Variants in SKP2 observed in about 807,000 individuals in gnomAD.
SKP2 encodes the protein S-phase kinase associated protein 2, also known as S-phase kinase-associated protein 2.
SKP2 carries 16 observed loss-of-function variants against 51.8 expected under a neutral mutation model. That is an observed-to-expected ratio of 0.31 (90% CI 0.21 to 0.47). The LOEUF (loss-of-function observed/expected upper bound fraction) is 0.47. Ranked by LOEUF, SKP2 falls within the 20% of genes least tolerant of loss-of-function variation. The pLI, the probability that SKP2 is intolerant of heterozygous loss-of-function variation, is 1.00. For missense variants in SKP2, 377 were observed against 505.3 expected (o/e 0.75, Z 2.43); for synonymous variants, 176 against 198.6 (o/e 0.89, Z 0.96).
intron 2 of SKP2, among the ~76,000 whole-genome samples, chr5:36,157,941 C>T (rs2111954040): frequency 6.6e-6 from 1 of 152,288 alleles, no homozygotes; most frequent in East Asian, 1.9e-4. Context: ...TCCAACAAGG[C>T]CCTCTTCCCA....
chr5:36,180,946 G>A (rs1023301368), intron 9 of SKP2, among the ~76,000 whole-genome samples: 8 of 152,160 alleles, frequency 5.3e-5, no homozygotes, highest in Admixed American at 1.3e-4. Context: ...AAACAGAGAT[G>A]AGAGAGATGA....
chr5:36,158,279 T>C (rs1186920336), intron 2 of SKP2, among the ~76,000 whole-genome samples: 2 of 152,230 alleles, frequency 1.3e-5, no homozygotes, highest in Non-Finnish European at 2.9e-5. Context: ...AGCAGTTTCA[T>C]CATGAATTCA....
At chr5:36,184,542 T>G (rs1343369884), downstream of SKP2, among the ~76,000 whole-genome samples, 1 of 152,208 alleles carries the variant, frequency 6.6e-6, no homozygotes, top group Non-Finnish European at 1.5e-5. Flanking sequence ...GGTAGTTTGC[T>G]GAGAATGATG....
In SKP2 at chr5:36,152,260, G is replaced by T; in HGVS notation, c.-3G>T. The T allele has an allele frequency of 6.2e-7, 1 of 1,613,900 alleles. No individual in the cohort carries two copies. Among genetic ancestry groups the T allele is most frequent in the South Asian group, 1.1e-5 (1 of 91,088 alleles). On this transcript the variant is annotated 5_prime_UTR_variant, in exon 1 of 10. Transcript: ENST00000274255. ...ATTTTAAACTCCCGGGCCTGCGGAC[G>T]CTATGCACAGGTAAACGGATTGCAA...
chr5:36,189,070 C>T (rs1421935892), downstream of SKP2, among the ~76,000 whole-genome samples: 4 of 152,184 alleles, frequency 2.6e-5, no homozygotes, highest in African/African-American at 4.8e-5. Context: ...TGGTTTTCAG[C>T]TCCATCAGGT....
At chr5:36,176,195 A>G (rs926910741) in intron 7 of SKP2, among the ~76,000 whole-genome samples, 18 of 151,806 alleles carry the variant, frequency 1.2e-4, no homozygotes, top group African/African-American at 4.1e-4. Flanking sequence ...GTATTTTGCA[A>G]TGTAGATTTG....
chr5:36,170,372 C>T lies in SKP2; in HGVS notation c.700C>T (p.Arg234Ter), dbSNP rs765306569. 6.2e-6 allele frequency: 10 copies of T among 1,611,918 alleles called. No homozygotes were observed. Among genetic ancestry groups the T allele is most frequent in the Non-Finnish European group, 8.5e-6 (10 of 1,178,772 alleles). The change falls in exon 6 of 10, where the codon CGA (arginine) becomes TGA (stop). Residue 234 changes from arginine (R) to a stop codon, truncating the protein, a stop_gained. Transcript: ENST00000274255. LOFTEE classifies it high-confidence loss of function. ...NTLAKNSNLV[R>*]LNLSGCSGFS... ...TCTCGCAAAAAACTCAAATTTAGTG[C>T]GACTTAACCTTTCTGGGTGTTCTGG...
intron 9 of SKP2, chr5:36,180,022 C>T (rs1336140086): frequency 1.3e-5 from 2 of 151,792 alleles, no homozygotes; most frequent in Non-Finnish European, 2.9e-5. Flanking sequence ...ATATATAACA[C>T]CCGGGTGTGT....
rs777024842 is a variant in SKP2, at chr5:36,163,771, C to T, written c.392+15C>T. On this transcript the variant is annotated intron_variant, in intron 3 of 9. Transcript: ENST00000274255. Reference sequence around the variant, plus strand: ...TATCGCCTAGCGTAAGTATTTTTCACCCCTTTGGCAAACGTAGGGGAGGAA... The same window carrying T: ...TATCGCCTAGCGTAAGTATTTTTCATCCCTTTGGCAAACGTAGGGGAGGAA... 1.2e-5 allele frequency: 19 copies of T among 1,527,492 alleles called. No homozygotes were observed. The highest frequency in any genetic ancestry group is 1.5e-5 in the Non-Finnish European group (17 of 1,101,038). 94.6% of individuals were successfully genotyped at this position (1,527,492 alleles called of 1,614,324 possible).
chr5:36,183,588 A>G lies in SKP2; in HGVS notation c.*1557A>G. On this transcript the variant is annotated 3_prime_UTR_variant, in exon 10 of 10. Transcript: ENST00000274255. ...AGCCAAATTCTACTTCTTAAAAATC[A>G]CAAAAACTAGTTTAAATTGATGACT... 1 of 1,096,814 alleles carries G rather than the reference A, an allele frequency of 9.1e-7. No homozygotes were observed. Among genetic ancestry groups the G allele is most frequent in the South Asian group, 4.1e-5 (1 of 24,222 alleles). 67.9% of individuals were successfully genotyped at this position (1,096,814 alleles called of 1,614,324 possible). A position where few individuals can be genotyped will look rare whatever the true frequency, so the allele number is the denominator to read the frequency against.
rs1745850428 is a variant in SKP2 at position 36,182,713 on chromosome 5, A to T, written c.*682A>T. 1 of 979,418 alleles carries T rather than the reference A, an allele frequency of 1.0e-6. No homozygotes were observed. Among genetic ancestry groups the T allele is most frequent in the Non-Finnish European group, 1.2e-6 (1 of 824,450 alleles). 60.7% of individuals were successfully genotyped at this position (979,418 alleles called of 1,614,324 possible). On this transcript the variant is annotated 3_prime_UTR_variant, in exon 10 of 10. Coordinates refer to ENST00000274255, the MANE Select transcript of SKP2 (RefSeq NM_005983.4). ...AGCAGACAGTTTTCTATGACAGGTTAATCTGAAGTATCCTGTAATGTTCAT... is the reference window on the plus strand; with the variant it reads ...AGCAGACAGTTTTCTATGACAGGTTTATCTGAAGTATCCTGTAATGTTCAT...
intron 2 of SKP2, among the ~76,000 whole-genome samples, chr5:36,161,068 A>AC (rs1401150089): frequency 6.6e-6 from 1 of 152,082 alleles, no homozygotes; most frequent in Non-Finnish European, 1.5e-5. Context: ...CATAAGCTGC[A>AC]CAGCACCCCG....
At chr5:36,175,075 G>C (rs1745589606) in intron 7 of SKP2, among the ~76,000 whole-genome samples, 1 of 152,138 alleles carries the variant, frequency 6.6e-6, no homozygotes, top group South Asian at 2.1e-4. Context: ...CTGTAGCGGG[G>C]AAGTATGAAG....
intron 6 of SKP2, among the ~76,000 whole-genome samples, chr5:36,191,717 G>C (rs1746029064): frequency 6.6e-6 from 1 of 152,150 alleles, no homozygotes; most frequent in Admixed American, 6.5e-5. Flanking sequence ...GTAGTCTAGA[G>C]ACTGGGCAAA....
chr5:36,188,799 C>T (rs1186290802), downstream of SKP2, among the ~76,000 whole-genome samples: 2 of 152,232 alleles, frequency 1.3e-5, no homozygotes, highest in Non-Finnish European at 2.9e-5. Context: ...TGGGGACATT[C>T]TCCTGGATAA....
In SKP2 at chr5:36,170,453, T is replaced by A; in HGVS notation, c.770+11T>A. 1 of 1,499,044 alleles carries A rather than the reference T, an allele frequency of 6.7e-7. No homozygotes were observed. The highest frequency in any genetic ancestry group is 9.3e-7 in the Non-Finnish European group (1 of 1,077,534). The allele number at this position is 1,499,044 out of a possible 1,614,324, so 92.9% of individuals were successfully genotyped here. A position where few individuals can be genotyped will look rare whatever the true frequency, so the allele number is the denominator to read the frequency against. ...AAGCAGCTGTTCCAGGTATGAAAGA[T>A]GTGAGACTTGATTATAGACTCTTAT... On this transcript the variant is annotated intron_variant, in intron 6 of 9. Coordinates refer to ENST00000274255, the MANE Select transcript of SKP2 (RefSeq NM_005983.4).
At chr5:36,191,895 T>G (rs980698216) in intron 6 of SKP2, among the ~76,000 whole-genome samples, 1 of 112,964 alleles carries the variant, frequency 8.9e-6, no homozygotes, top group African/African-American at 4.4e-5. Context: ...CCTAAAAGCC[T>G]ATACTAATAT....
chr5:36,161,888 G>A (rs1421636401), intron 2 of SKP2, among the ~76,000 whole-genome samples: 13 of 152,296 alleles, frequency 8.5e-5, no homozygotes, highest in South Asian at 8.3e-4. Context: ...AGCCTAGGAA[G>A]GCAATCATTG....
Position 36,163,775 on chromosome 5 carries a change from T to G in SKP2, c.392+19T>G. The G allele has an allele frequency of 6.7e-7, 1 of 1,494,188 alleles. No homozygotes were observed. Among genetic ancestry groups the G allele is most frequent in the Non-Finnish European group, 9.3e-7 (1 of 1,070,512 alleles). 92.6% of individuals were successfully genotyped at this position (1,494,188 alleles called of 1,614,324 possible). ...GCCTAGCGTAAGTATTTTTCACCCC[T>G]TTGGCAAACGTAGGGGAGGAAGAGG... On this transcript the variant is annotated intron_variant, in intron 3 of 9. Transcript: ENST00000274255.
Sources: allele counts gnomAD v4.1 joint callset (sites outside exome capture counted in the v4.1 genomes callset), GRCh38; gene constraint gnomAD v4.1.1; transcripts MANE v1.5; gene names NCBI Gene and HGNC (gene_info 2026-07-23, HGNC 2026-07-21).